The following OSBPL6 variants were observed in gnomAD, a reference collection of about 807,000 sequenced individuals.
OSBPL6 encodes oxysterol binding protein like 6.
In OSBPL6, 49 loss-of-function variants were observed where a neutral mutation model predicts 125.8. The ratio of observed to expected loss-of-function variants is 0.39; its 90% CI spans 0.31 to 0.49. The LOEUF is 0.49. Among genes scored for constraint, OSBPL6 ranks in the 20% least tolerant of loss-of-function variants. The probability of loss-of-function intolerance (pLI) is 0.88; values close to 1 mark genes in which losing one functional copy is unlikely to be tolerated. For synonymous variants in OSBPL6, 394 were observed against 391.8 expected, an observed-to-expected ratio of 1.01 and a Z score of -0.07; for missense variants, 986 against 1,135.4, an observed-to-expected ratio of 0.87 and a Z score of 1.89.
intron 1 of OSBPL6, among the ~76,000 whole-genome samples, chr2:178,220,271 A>G (rs2090280350): frequency 6.6e-6 from 1 of 152,138 alleles, no homozygotes; most frequent in African/African-American, 2.4e-5. Flanking sequence ...TTTAAGTTAA[A>G]AAATGAACAA....
chr2:178,279,346 A>G (rs1472919705), intron 1 of OSBPL6, among the ~76,000 whole-genome samples: 1 of 152,202 alleles, frequency 6.6e-6, no homozygotes, highest in African/African-American at 2.4e-5. Context: ...GCTTAAAGGA[A>G]AATTCTGTTG....
intron 11 of OSBPL6, among the ~76,000 whole-genome samples, chr2:178,346,377 T>C (rs1330845317): frequency 6.6e-6 from 1 of 152,216 alleles, no homozygotes; most frequent in Non-Finnish European, 1.5e-5. Context: ...ACCTTAGACC[T>C]ACTGTGTAGA....
In OSBPL6 at chr2:178,294,789, A is replaced by G. The variant is rs62179168; in HGVS notation, c.-156+9668A>G. Among the ~76,000 whole-genome samples, 423 of 150,614 alleles carry G rather than the reference A, an allele frequency of 2.8e-3. 2 individuals carry two copies. The highest frequency in any genetic ancestry group is 5.5e-3 in the Non-Finnish European group (373 of 67,820). Reference sequence around the variant, plus strand: ...TCAAAATTGTATATTTTGATTACGTACAACATGTTTTGAAATATATAGACT... The same window carrying G: ...TCAAAATTGTATATTTTGATTACGTGCAACATGTTTTGAAATATATAGACT... On this transcript the variant is annotated intron_variant, in intron 2 of 24. Transcript: ENST00000190611.
chr2:178,363,974 C>T (rs1027004739), intron 13 of OSBPL6, among the ~76,000 whole-genome samples: 1 of 152,194 alleles, frequency 6.6e-6, no homozygotes, highest in Non-Finnish European at 1.5e-5. Flanking sequence ...GCCTTCCCCT[C>T]GGCGTAGTCG....
intron 3 of OSBPL6, among the ~76,000 whole-genome samples, chr2:178,314,266 T>G (rs1230548703): frequency 1.1e-4 from 16 of 152,258 alleles, no homozygotes; most frequent in Admixed American, 9.8e-4. Context: ...ATCCCTGATT[T>G]GATACCTAAC....
At chr2:178,320,262 G>A in intron 3 of OSBPL6, 1 of 1,609,466 alleles carries the variant, frequency 6.2e-7, no homozygotes, top group South Asian at 1.1e-5. Context: ...TGCTGCTCAG[G>A]AGGTATTGAG....
At chr2:178,364,771 A>G (rs1012735413) in intron 13 of OSBPL6, among the ~76,000 whole-genome samples, 2 of 152,206 alleles carry the variant, frequency 1.3e-5, no homozygotes, top group Non-Finnish European at 2.9e-5. Context: ...GGTCTAGGCT[A>G]GAGAGGAAGA....
chr2:178,283,814 C>G (rs1574742918), intron 1 of OSBPL6, among the ~76,000 whole-genome samples: 1 of 152,096 alleles, frequency 6.6e-6, no homozygotes, highest in East Asian at 1.9e-4. Flanking sequence ...CACATGGTGA[C>G]AGAGGAAGCA....
intron 1 of OSBPL6, among the ~76,000 whole-genome samples, chr2:178,251,643 T>A (rs1330459157): frequency 6.6e-6 from 1 of 152,134 alleles, no homozygotes; most frequent in Non-Finnish European, 1.5e-5. Context: ...GAAGTTTTAG[T>A]TTTGAAGGCA....
At chr2:178,268,612 A>G (rs1485242501) in intron 1 of OSBPL6, among the ~76,000 whole-genome samples, 2 of 152,200 alleles carry the variant, frequency 1.3e-5, no homozygotes, top group Non-Finnish European at 2.9e-5. Flanking sequence ...TTTGAACTTC[A>G]TATAAATGGA....
intron 1 of OSBPL6, among the ~76,000 whole-genome samples, chr2:178,274,036 G>A (rs549111255): frequency 2.0e-5 from 3 of 152,282 alleles, no homozygotes; most frequent in East Asian, 3.9e-4. Flanking sequence ...CACGTGGTAA[G>A]CAATGAGATG....
At chr2:178,342,887 G>T (rs184462623) in intron 11 of OSBPL6, among the ~76,000 whole-genome samples, 148 of 152,236 alleles carry the variant, frequency 9.7e-4, no homozygotes, top group Admixed American at 2.7e-3. Context: ...TAGCTGTCCT[G>T]CATCTCATAG....
At chr2:178,330,948 C>A (rs1348913376) in intron 5 of OSBPL6, among the ~76,000 whole-genome samples, 2 of 152,076 alleles carry the variant, frequency 1.3e-5, no homozygotes, top group Non-Finnish European at 2.9e-5. Flanking sequence ...TTTTTTTACC[C>A]TTAGTGTAGT....
At chr2:178,300,714 C>T (rs555479434) in intron 2 of OSBPL6, among the ~76,000 whole-genome samples, 73 of 152,334 alleles carry the variant, frequency 4.8e-4, no homozygotes, top group African/African-American at 1.7e-3. Context: ...TACTTATCCT[C>T]CCAAATGCTG....
intron 4 of OSBPL6, among the ~76,000 whole-genome samples, chr2:178,326,804 G>C (rs760782985): frequency 2.0e-5 from 3 of 152,152 alleles, no homozygotes; most frequent in Non-Finnish European, 4.4e-5. Context: ...ACTGGACTTA[G>C]TAATATTGCA....
intron 9 of OSBPL6, among the ~76,000 whole-genome samples, chr2:178,337,875 T>C (rs907889658): frequency 6.6e-6 from 1 of 152,108 alleles, no homozygotes; most frequent in South Asian, 2.1e-4. Flanking sequence ...GAATGTAATA[T>C]TTCCTGGATA....
chr2:178,212,885 G>T (rs932760027), intron 1 of OSBPL6, among the ~76,000 whole-genome samples: 21 of 151,374 alleles, frequency 1.4e-4, no homozygotes, highest in Non-Finnish European at 2.9e-4. Context: ...TCAGCTGACT[G>T]CAACCTCCAC....
chr2:178,382,394 T>C, intron 15 of OSBPL6, 26 bp from the exon 16 acceptor site: 1 of 1,564,522 alleles, frequency 6.4e-7, no homozygotes, highest in Non-Finnish European at 8.7e-7. Context: ...AGAATTCTGA[T>C]CCTTGTATGT....
chr2:178,323,067 A>G (rs997589414), intron 3 of OSBPL6, among the ~76,000 whole-genome samples: 2 of 152,100 alleles, frequency 1.3e-5, no homozygotes, highest in African/African-American at 4.8e-5. Flanking sequence ...AGTATTCTTA[A>G]TGAGTAGATT....
Sources: allele counts gnomAD v4.1 joint callset (sites outside exome capture counted in the v4.1 genomes callset), GRCh38; gene constraint gnomAD v4.1.1; transcripts MANE v1.5; gene names NCBI Gene and HGNC (gene_info 2026-07-23, HGNC 2026-07-21).